COPS3: variants seen among roughly 807,000 people sequenced by gnomAD.
The protein encoded by COPS3 is COP9 signalosome complex subunit 3.
Under a neutral mutation model 58.2 loss-of-function variants are expected in COPS3, and 10 were observed. The observed-to-expected ratio is 0.17, with a 90% CI of 0.11 to 0.29. The LOEUF is 0.29. Ranked by LOEUF, COPS3 falls within the 10% of genes least tolerant of loss-of-function variation. COPS3 has a pLI of 1.00. For missense variants in COPS3, 333 were observed against 510.1 expected (o/e 0.65, Z 3.34); for synonymous variants, 187 against 181.7 (o/e 1.03, Z -0.24).
intron 5 of COPS3, among the ~76,000 whole-genome samples, chr17:17,265,320 G>A (rs946988106): frequency 2.0e-5 from 3 of 151,888 alleles, no homozygotes; most frequent in African/African-American, 7.3e-5. Context: ...TCAAATTTTT[G>A]GATTGGGTTT....
chr17:17,269,729 C>T (rs886821321), intron 4 of COPS3, among the ~76,000 whole-genome samples: 4 of 152,202 alleles, frequency 2.6e-5, no homozygotes, highest in African/African-American at 9.7e-5. Flanking sequence ...AATCCATGGT[C>T]CACGGTTTTC....
chr17:17,265,088 T>C, intron 5 of COPS3, 107 bp from the exon 6 acceptor site: 1 of 978,372 alleles, frequency 1.0e-6, no homozygotes, highest in Non-Finnish European at 1.5e-6. Flanking sequence ...TGTAATTGTG[T>C]TTTACATTTT....
chr17:17,254,828 A>AC, intron 9 of COPS3, 31 bp downstream of exon 9: 1 of 1,407,346 alleles, frequency 7.1e-7, no homozygotes, highest in Non-Finnish European at 9.7e-7. Flanking sequence ...AAAAAAAAAA[A>AC]AAAAGAAAAA....
rs145045465 is a variant in COPS3, at chr17:17,272,660, G to C, written c.186-1652C>G. ...CAGTTGCTCATAATCCCAACACTTT[G>C]GGAGGCCAAGGTCGGAGGATCATTT... is the stretch of plus-strand genomic sequence containing the variant. On this transcript the variant is annotated intron_variant, in intron 2 of 11. Coordinates refer to ENST00000268717, the MANE Select transcript of COPS3 (RefSeq NM_003653.4). 1.4e-3 allele frequency among the ~76,000 whole-genome samples: 212 copies of C among 152,302 alleles called. 2 individuals carry two copies. In the East Asian group the frequency reaches 0.019, roughly 13 times the overall value.
At position 17,260,656 on chromosome 17, in the gene COPS3, A is replaced by C. The variant is rs1037210495; in HGVS notation, c.763-182T>G. 2.1e-4 allele frequency: 104 copies of C among 506,366 alleles called. No homozygotes were observed. The Middle Eastern group carries it at 3.9e-3, about 19-fold the overall frequency. 31.4% of individuals were successfully genotyped at this position (506,366 alleles called of 1,614,324 possible). ...CCGTCTCTACTAAAAATACAAAATT[A>C]ACTGAGCGTGATAGCACATGCCTGT... On this transcript the variant is annotated intron_variant, in intron 7 of 11. Coordinates refer to ENST00000268717, the MANE Select transcript of COPS3 (RefSeq NM_003653.4).
Position 17,252,107 on chromosome 17 carries a change from AGGCACAG to A in COPS3, c.1023+2745_1023+2751del, listed in dbSNP as rs892566909. On this transcript the variant is annotated intron_variant, in intron 9 of 11. Coordinates refer to ENST00000268717, the MANE Select transcript of COPS3 (RefSeq NM_003653.4). ...CAGGATGGGAACAACCTTTCTAGAGAGGCACAGGGCTGGAAGCAGACACAAGGGATAT... is the reference window on the plus strand; with the variant it reads ...CAGGATGGGAACAACCTTTCTAGAGAGGCTGGAAGCAGACACAAGGGATAT... 1.8e-4 allele frequency among the ~76,000 whole-genome samples: 28 copies of A among 151,962 alleles called. 1 individual carries two copies. Among genetic ancestry groups the A allele is most frequent in the East Asian group, 7.7e-4 (4 of 5,172 alleles).
chr17:17,270,587 G>A (rs2048322838), intron 4 of COPS3, among the ~76,000 whole-genome samples, 171 bp downstream of exon 4: 1 of 151,914 alleles, frequency 6.6e-6, no homozygotes, highest in Non-Finnish European at 1.5e-5. Context: ...CTCATTCAGG[G>A]GATGCGGGGA....
At chr17:17,267,034 C>T (rs563363193) in intron 5 of COPS3, among the ~76,000 whole-genome samples, 1 of 147,992 alleles carries the variant, frequency 6.8e-6, no homozygotes, top group African/African-American at 2.5e-5. Context: ...AAAAATGATT[C>T]GGGATTTTAA....
intron 10 of COPS3, 48 bp downstream of exon 10, chr17:17,248,878 C>T (rs1295883275): frequency 8.4e-7 from 1 of 1,190,466 alleles, no homozygotes; most frequent in Admixed American, 2.2e-5. Context: ...TTTTCAAATA[C>T]ATCTCAACCA....
At chr17:17,280,056 G>A (rs1264153828) in intron 1 of COPS3, among the ~76,000 whole-genome samples, 2 of 151,758 alleles carry the variant, frequency 1.3e-5, no homozygotes, top group Non-Finnish European at 2.9e-5. Context: ...CTTCAGGTGA[G>A]GAGTTCGAAA....
chr17:17,266,671 C>T (rs7210263), intron 5 of COPS3, among the ~76,000 whole-genome samples: 3,281 of 151,888 alleles, frequency 0.022, 120 homozygotes, highest in African/African-American at 0.066. Context: ...TAGTGGTGCA[C>T]GTCCACAATC....
chr17:17,274,760 T>G (rs1040036702), intron 2 of COPS3, among the ~76,000 whole-genome samples: 1 of 152,026 alleles, frequency 6.6e-6, no homozygotes, highest in Non-Finnish European at 1.5e-5. Flanking sequence ...CGTGCTTTTT[T>G]TTTTTTTTAA....
chr17:17,248,900 A>G, intron 10 of COPS3, 26 bp downstream of exon 10: 3 of 1,395,742 alleles, frequency 2.1e-6, no homozygotes, highest in Non-Finnish European at 3.0e-6. Flanking sequence ...CAATTAAAAA[A>G]ATAAAAACCT....
At chr17:17,256,899 T>G (rs1368147604) in intron 8 of COPS3, among the ~76,000 whole-genome samples, 3 of 152,174 alleles carry the variant, frequency 2.0e-5, no homozygotes, top group Non-Finnish European at 4.4e-5. Context: ...CCATAAATTC[T>G]TGATGAGCCA....
intron 6 of COPS3, among the ~76,000 whole-genome samples, chr17:17,263,505 CTTTTCTTTTTTT>C (rs1039408767): frequency 9.2e-6 from 1 of 108,460 alleles, no homozygotes; most frequent in Non-Finnish European, 1.8e-5. Flanking sequence ...AGCCTCTTGC[CTTTTCTTTTTTT>C]TTTTTTTTTT....
chr17:17,266,949 C>A (rs1008403284), intron 5 of COPS3, among the ~76,000 whole-genome samples: 7 of 151,452 alleles, frequency 4.6e-5, no homozygotes, highest in Non-Finnish European at 8.9e-5. Flanking sequence ...CTCAGGTGAT[C>A]CGCCCGCCTC....
chr17:17,272,032 A>C (rs577671865), intron 2 of COPS3, among the ~76,000 whole-genome samples: 58 of 151,932 alleles, frequency 3.8e-4, no homozygotes, highest in African/African-American at 1.2e-3. Context: ...CTGTAATCCC[A>C]GCACTACGGA....
intron 2 of COPS3, among the ~76,000 whole-genome samples, chr17:17,272,405 G>A (rs1267115459): frequency 4.0e-5 from 6 of 151,842 alleles, no homozygotes; most frequent in South Asian, 2.1e-4. Context: ...CCCGGGTGAC[G>A]GAGTGAGACT....
chr17:17,260,274 G>T, intron 8 of COPS3, 27 bp downstream of exon 8: 1 of 1,609,300 alleles, frequency 6.2e-7, no homozygotes, highest in Non-Finnish European at 8.5e-7. Flanking sequence ...GTCAGGAGCT[G>T]CCCTGTGAAG....
Sources: gnomAD v4.1 joint callset for allele counts (sites outside exome capture counted in the v4.1 genomes callset) on GRCh38, gnomAD v4.1.1 for gene constraint, MANE v1.5 for transcripts, NCBI Gene and HGNC (gene_info 2026-07-23, HGNC 2026-07-21) for gene names.